RNF13: variants seen among roughly 807,000 people sequenced by gnomAD.
RNF13 encodes E3 ubiquitin-protein ligase RNF13.
Under a neutral mutation model 37.7 loss-of-function variants are expected in RNF13, and 19 were observed. The ratio of observed to expected loss-of-function variants is 0.50; its 90% CI spans 0.35 to 0.74. The LOEUF is 0.74. RNF13 is among the 30% of genes least tolerant of loss of function. The probability of loss-of-function intolerance (pLI) is 0.01; values close to 1 mark genes in which losing one functional copy is unlikely to be tolerated. For missense variants in RNF13, 375 were observed against 453.0 expected (o/e 0.83, Z 1.56); for synonymous variants, 144 against 157.8 (o/e 0.91, Z 0.65).
intron 1 of RNF13, among the ~76,000 whole-genome samples, chr3:149,816,258 T>G (rs1382945366): frequency 6.6e-6 from 1 of 152,134 alleles, no homozygotes; most frequent in African/African-American, 2.4e-5. Context: ...ACATAACTTC[T>G]GAGTTCACAC....
intron 4 of RNF13, among the ~76,000 whole-genome samples, chr3:149,880,992 TA>T (rs1384724033): frequency 6.6e-6 from 1 of 152,250 alleles, no homozygotes; most frequent in Non-Finnish European, 1.5e-5. Context: ...TTTCATGGAA[TA>T]GTACTTACCT....
At chr3:149,870,110 GTC>G (rs1430197472) in intron 3 of RNF13, among the ~76,000 whole-genome samples, 2 of 151,830 alleles carry the variant, frequency 1.3e-5, no homozygotes, top group African/African-American at 4.8e-5. Context: ...TCCCCTCTTA[GTC>G]TCTATCTACC....
At chr3:149,896,503 G>T (rs1715284866) in intron 5 of RNF13, among the ~76,000 whole-genome samples, 1 of 150,698 alleles carries the variant, frequency 6.6e-6, no homozygotes, top group African/African-American at 2.4e-5. Flanking sequence ...TTTTGAGATG[G>T]AGTTTCACTC....
chr3:149,956,398 G>T (rs1721869613), intron 8 of RNF13, among the ~76,000 whole-genome samples: 1 of 152,192 alleles, frequency 6.6e-6, no homozygotes, highest in African/African-American at 2.4e-5. Flanking sequence ...AGCAAAAGAA[G>T]CATCAAAGAT....
At chr3:149,914,587 A>AG (rs1717313852) in intron 7 of RNF13, among the ~76,000 whole-genome samples, 1 of 152,116 alleles carries the variant, frequency 6.6e-6, no homozygotes, top group South Asian at 2.1e-4. Flanking sequence ...TAGACTAAAA[A>AG]CTTAAAATAA....
chr3:149,888,736 C>T (rs1208754885), intron 4 of RNF13, among the ~76,000 whole-genome samples: 1 of 152,174 alleles, frequency 6.6e-6, no homozygotes, highest in Non-Finnish European at 1.5e-5. Flanking sequence ...AGTCACCTCT[C>T]TTACATTTTT....
chr3:149,902,236 AAT>A (rs1715921718), intron 6 of RNF13, 74 bp downstream of exon 6: 2 of 683,610 alleles, frequency 2.9e-6, no homozygotes, highest in Admixed American at 6.3e-5. Context: ...ATAATATTGT[AAT>A]CAAGATTATG....
intron 4 of RNF13, among the ~76,000 whole-genome samples, chr3:149,877,075 C>T (rs781256133): frequency 2.0e-4 from 30 of 152,076 alleles, no homozygotes; most frequent in Non-Finnish European, 3.8e-4. Context: ...CCACCACACC[C>T]GGCCCGTATC....
intron 7 of RNF13, among the ~76,000 whole-genome samples, chr3:149,917,810 T>G (rs1717700440): frequency 6.6e-6 from 1 of 152,210 alleles, no homozygotes; most frequent in Non-Finnish European, 1.5e-5. Context: ...AGTGCAGTTC[T>G]ATGTCCATTA....
chr3:149,923,836 A>G (rs533378473), intron 8 of RNF13, among the ~76,000 whole-genome samples: 2 of 152,104 alleles, frequency 1.3e-5, no homozygotes, highest in East Asian at 3.9e-4. Flanking sequence ...AAAACATGTC[A>G]TTGGCTTTTC....
chr3:149,887,012 C>T (rs9815364), intron 4 of RNF13, among the ~76,000 whole-genome samples: 137,237 of 152,226 alleles, frequency 0.9, 61,952 homozygotes, highest in African/African-American at 0.94. Flanking sequence ...CCACTATGAT[C>T]GGAGAATATA....
At chr3:149,859,922 C>A (rs1166707592) in intron 3 of RNF13, among the ~76,000 whole-genome samples, 1 of 151,818 alleles carries the variant, frequency 6.6e-6, no homozygotes, top group Non-Finnish European at 1.5e-5. Flanking sequence ...CCAAAGAAAT[C>A]CTGAACAAAA....
At chr3:149,883,932 A>G (rs1024784136) in intron 4 of RNF13, among the ~76,000 whole-genome samples, 1 of 152,138 alleles carries the variant, frequency 6.6e-6, no homozygotes. Flanking sequence ...GCTCCCACTT[A>G]TAAGTGAGAA....
In RNF13 at chr3:149,912,081, A is replaced by G; in HGVS notation, c.604A>G (p.Met202Val). 4 of 1,434,310 alleles carry G rather than the reference A, an allele frequency of 2.8e-6. No individual in the cohort carries two copies. Among genetic ancestry groups the G allele is most frequent in the Non-Finnish European group, 3.9e-6 (4 of 1,019,962 alleles). The allele number at this position is 1,434,310 out of a possible 1,614,324, so 88.8% of individuals were successfully genotyped here. ...CTGTCTCATCTTGATAGTCATTTTC[A>G]TGGTAGGTACATTAACTTTTAATAA... The part of the protein sequence containing the change: ...GICLILIVIF[M>V]ITKFVQDRHR... The change falls in exon 7 of 10, where the codon ATG (methionine) becomes GTG (valine). Residue 202 changes from methionine (M) to valine (V), a missense_variant and splice_region_variant. Physicochemically the swap from Met to Val is conservative, Grantham distance 21. Transcript: ENST00000392894.
At chr3:149,845,646 TA>T (rs1722574407) in intron 1 of RNF13, 1 of 156,734 alleles carries the variant, frequency 6.4e-6, no homozygotes, top group Non-Finnish European at 1.4e-5. Context: ...TTTTCAATTT[TA>T]AAGCAAAGAT....
chr3:149,886,689 A>G (rs1357939038), intron 4 of RNF13, among the ~76,000 whole-genome samples: 2 of 152,174 alleles, frequency 1.3e-5, no homozygotes, highest in African/African-American at 4.8e-5. Context: ...CCTAGAGAGA[A>G]GGCATTAAGT....
At chr3:149,922,588 A>G (rs1718256359) in intron 8 of RNF13, among the ~76,000 whole-genome samples, 1 of 152,156 alleles carries the variant, frequency 6.6e-6, no homozygotes, top group Non-Finnish European at 1.5e-5. Flanking sequence ...CCTTCCTCCT[A>G]TTCTGTCTCC....
Position 149,892,553 on chromosome 3 carries a change from A to G in RNF13, c.322-2920A>G, listed in dbSNP as rs527994827. On this transcript the variant is annotated intron_variant, in intron 4 of 9. Transcript: ENST00000392894. ...CAGCCGTGGTCCCGTACCTGTTAGG[A>G]AATGGGCCGCATGGCAGGAGGTGAG... Among the ~76,000 whole-genome samples the G allele has an allele frequency of 1.6e-4, 24 of 152,274 alleles. No homozygotes were observed. The South Asian group carries it at 4.2e-3, about 26-fold the overall frequency.
Position 149,815,674 on chromosome 3 carries a change from G to C in RNF13, c.-17+2321G>C, listed in dbSNP as rs549371676. ...AGATATTTATTGAGCATATATAAAA[G>C]TAAAATATTAAACTTTTATGAATCT... On this transcript the variant is annotated intron_variant, in intron 1 of 9. Coordinates refer to ENST00000392894, the MANE Select transcript of RNF13 (RefSeq NM_183381.3). Among the ~76,000 whole-genome samples the C allele has an allele frequency of 3.3e-5, 5 of 152,242 alleles. No individual in the cohort carries two copies. The East Asian group carries it at 9.6e-4, about 29-fold the overall frequency.
Sources: allele counts gnomAD v4.1 joint callset (sites outside exome capture counted in the v4.1 genomes callset), GRCh38; gene constraint gnomAD v4.1.1; transcripts MANE v1.5; gene names NCBI Gene and HGNC (gene_info 2026-07-23, HGNC 2026-07-21).